SORCS2: variants seen among roughly 807,000 people sequenced by gnomAD.
The protein encoded by SORCS2 is sortilin related VPS10 domain containing receptor 2, also known as VPS10 domain-containing receptor SorCS2.
A neutral mutation model predicts 141.6 loss-of-function variants in SORCS2; 100 were observed. The ratio of observed to expected loss-of-function variants is 0.71; its 90% CI spans 0.60 to 0.83. The LOEUF is 0.83. Ranked by LOEUF, SORCS2 falls within the 40% of genes least tolerant of loss-of-function variation. SORCS2 has a pLI of 0.00. For synonymous variants in SORCS2, 789 were observed against 676.9 expected (o/e 1.17, Z -2.57); for missense variants, 1,646 against 1,560.2 (o/e 1.05, Z -0.93).
chr4:7,720,751 C>T (rs57302113), intron 18 of SORCS2, among the ~76,000 whole-genome samples: 4 of 152,308 alleles, frequency 2.6e-5, no homozygotes, highest in African/African-American at 4.8e-5. Flanking sequence ...AGATGACAAA[C>T]GCCATCAGCC....
intron 1 of SORCS2, among the ~76,000 whole-genome samples, chr4:7,339,012 A>G (rs1266770072): frequency 6.6e-6 from 1 of 152,224 alleles, no homozygotes; most frequent in African/African-American, 2.4e-5. Context: ...AGAGCCTGCC[A>G]GGGGAACTGC....
At chr4:7,381,419 C>G (rs149402387) in intron 1 of SORCS2, among the ~76,000 whole-genome samples, 1,948 of 152,308 alleles carry the variant, frequency 0.013, 19 homozygotes, top group Middle Eastern at 0.065. Context: ...TAGAGGCCAG[C>G]CTTCCCCGAA....
intron 3 of SORCS2, among the ~76,000 whole-genome samples, chr4:7,631,047 C>CTTTTTT (rs11356756): frequency 3.0e-5 from 4 of 131,394 alleles, no homozygotes; most frequent in Non-Finnish European, 4.7e-5. Context: ...TTTTCCTTTT[C>CTTTTTT]TTTTTTTTTT....
At chr4:7,528,118 CTG>C (rs35302359) in intron 2 of SORCS2, among the ~76,000 whole-genome samples, 3 of 30,248 alleles carry the variant, frequency 9.9e-5, no homozygotes, top group Non-Finnish European at 2.1e-4. Context: ...AGTGTCCACG[CTG>C]CCCATGGATT....
At chr4:7,707,737 G>C (rs1725559786) in intron 14 of SORCS2, among the ~76,000 whole-genome samples, 1 of 152,238 alleles carries the variant, frequency 6.6e-6, no homozygotes, top group Non-Finnish European at 1.5e-5. Context: ...AGAGGCGCTT[G>C]ATGCTCAGTG....
chr4:7,274,251 T>G (rs765132528), intron 1 of SORCS2, among the ~76,000 whole-genome samples: 22 of 152,216 alleles, frequency 1.4e-4, no homozygotes, highest in Admixed American at 5.2e-4. Context: ...AGTGGGGAAC[T>G]TCGGGTGCAC....
chr4:7,653,512 G>A (rs1721565635), intron 4 of SORCS2, among the ~76,000 whole-genome samples: 1 of 152,164 alleles, frequency 6.6e-6, no homozygotes, highest in Admixed American at 6.5e-5. Flanking sequence ...CAAGGTGCTG[G>A]GATTACAGGC....
intron 2 of SORCS2, among the ~76,000 whole-genome samples, chr4:7,397,498 T>C (rs9997426): frequency 0.22 from 33,650 of 151,924 alleles, 3,978 homozygotes; most frequent in Admixed American, 0.28. Context: ...CACTGGTCTC[T>C]TCTAATTCCG....
At chr4:7,359,470 T>C (rs555614946) in intron 1 of SORCS2, among the ~76,000 whole-genome samples, 63 of 152,272 alleles carry the variant, frequency 4.1e-4, no homozygotes, top group African/African-American at 1.4e-3. Context: ...ATTCAGGAAA[T>C]GTGCTCAGGG....
chr4:7,570,736 C>G (rs1439772924), intron 3 of SORCS2, among the ~76,000 whole-genome samples: 1 of 152,168 alleles, frequency 6.6e-6, no homozygotes, highest in Non-Finnish European at 1.5e-5. Flanking sequence ...TGTCAGCAAG[C>G]CTTTTCATCT....
At chr4:7,654,860 C>T (rs1721658872) in intron 5 of SORCS2, among the ~76,000 whole-genome samples, 1 of 152,196 alleles carries the variant, frequency 6.6e-6, no homozygotes, top group African/African-American at 2.4e-5. Context: ...GGCAGAGGGC[C>T]ACTGGGGGCC....
chr4:7,623,476 A>G (rs1478146132), intron 3 of SORCS2, among the ~76,000 whole-genome samples: 1 of 152,050 alleles, frequency 6.6e-6, no homozygotes, highest in Non-Finnish European at 1.5e-5. Flanking sequence ...CTTCTCAGCC[A>G]TGAGGAAAGT....
intron 14 of SORCS2, among the ~76,000 whole-genome samples, chr4:7,709,737 A>G (rs1725701481): frequency 6.6e-6 from 1 of 152,172 alleles, no homozygotes. Flanking sequence ...ATCTGCCCAA[A>G]GGCCACCTCT....
At chr4:7,257,761 G>C (rs1196816078) in intron 1 of SORCS2, among the ~76,000 whole-genome samples, 1 of 152,200 alleles carries the variant, frequency 6.6e-6, no homozygotes, top group Non-Finnish European at 1.5e-5. Flanking sequence ...CCAGCCCCTT[G>C]TCCTTCTCTG....
At chr4:7,694,666 C>T (rs977678395) in intron 11 of SORCS2, among the ~76,000 whole-genome samples, 65 of 152,338 alleles carry the variant, frequency 4.3e-4, no homozygotes, top group African/African-American at 1.4e-3. Context: ...TTCTCTCCTC[C>T]CTGCTGCTTC....
intron 3 of SORCS2, among the ~76,000 whole-genome samples, chr4:7,582,484 GCCGCCCCCTCGC>G (rs1447658579): frequency 3.3e-5 from 5 of 152,170 alleles, no homozygotes; most frequent in African/African-American, 1.2e-4. Flanking sequence ...CGGAAAGGCG[GCCGCCCCCTCGC>G]CCATCATGCA....
At chr4:7,530,511 C>T (rs1000892879) in intron 2 of SORCS2, among the ~76,000 whole-genome samples, 1 of 152,224 alleles carries the variant, frequency 6.6e-6, no homozygotes, top group Non-Finnish European at 1.5e-5. Flanking sequence ...TGCCTCTCCC[C>T]ACCTTGGGTC....
intron 3 of SORCS2, among the ~76,000 whole-genome samples, chr4:7,543,351 C>T (rs1577722650): frequency 6.6e-6 from 1 of 152,196 alleles, no homozygotes; most frequent in African/African-American, 2.4e-5. Flanking sequence ...ACTTATCCAT[C>T]CTCCCACCCA....
At chr4:7,388,283 C>T (rs1017897635) in intron 1 of SORCS2, among the ~76,000 whole-genome samples, 1 of 152,178 alleles carries the variant, frequency 6.6e-6, no homozygotes. Flanking sequence ...ATGACAGACT[C>T]AGCCTGAATC....
Sources: allele counts gnomAD v4.1 joint callset (sites outside exome capture counted in the v4.1 genomes callset), GRCh38; gene constraint gnomAD v4.1.1; transcripts MANE v1.5; gene names NCBI Gene and HGNC (gene_info 2026-07-23, HGNC 2026-07-21).